The following ST3GAL4 variants were observed in gnomAD, a reference collection of about 807,000 sequenced individuals.
ST3GAL4 encodes CMP-N-acetylneuraminate-beta-galactosamide-alpha-2,3-sialyltransferase 4.
ST3GAL4 carries 24 observed loss-of-function variants against 42.6 expected under a neutral mutation model. The observed-to-expected ratio is 0.56, with a 90% CI of 0.41 to 0.79. The LOEUF (loss-of-function observed/expected upper bound fraction) is 0.79. ST3GAL4 is among the 30% of genes least tolerant of loss of function. The pLI is 0.00. For synonymous variants in ST3GAL4, 135 were observed against 163.2 expected, an observed-to-expected ratio of 0.83 and a Z score of 1.32; for missense variants, 311 against 430.8, an observed-to-expected ratio of 0.72 and a Z score of 2.46.
In ST3GAL4 at chr11:126,409,515, G is replaced by C; in HGVS notation, c.771+104G>C. 3 of 1,503,504 alleles carry C rather than the reference G, an allele frequency of 2.0e-6. No individual in the cohort carries two copies. The highest frequency in any genetic ancestry group is 2.4e-5 in the South Asian group (2 of 83,160). The allele number at this position is 1,503,504 out of a possible 1,614,324, so 93.1% of individuals were successfully genotyped here. A position where few individuals can be genotyped will look rare whatever the true frequency, so the allele number is the denominator to read the frequency against. ...CCTGGAAGGATCCCATAACAGAGGC[G>C]GCGGTTTGCATTTTCCCTCCAGGAA... On this transcript the variant is annotated intron_variant, in intron 9 of 10. Transcript: ENST00000444328. The surrounding 1 kb of genome is among the most constrained non-coding windows in gnomAD (Gnocchi z 4.9).
At chr11:126,365,495 A>G (rs144287824) in intron 1 of ST3GAL4, among the ~76,000 whole-genome samples, 162 of 152,170 alleles carry the variant, frequency 1.1e-3, no homozygotes, top group African/African-American at 3.8e-3. Context: ...GGGATATTCC[A>G]TGGGACCCTG....
chr11:126,364,133 G>T (rs4055110), intron 1 of ST3GAL4, among the ~76,000 whole-genome samples: 1 of 152,244 alleles, frequency 6.6e-6, no homozygotes, highest in Non-Finnish European at 1.5e-5. Context: ...AAGGCAGAGG[G>T]AATGGGGAAC....
Position 126,396,848 on chromosome 11 carries a change from A to G in ST3GAL4, c.-60-9248A>G, listed in dbSNP as rs1369721482. Among the ~76,000 whole-genome samples the G allele has an allele frequency of 6.6e-6, 1 of 151,908 alleles. No individual in the cohort carries two copies. Among genetic ancestry groups the G allele is most frequent in the Non-Finnish European group, 1.5e-5 (1 of 68,006 alleles). ...GTTCCCTGGCTCTACAATGGAGGTA[A>G]TTATCGTGTTGAACTCACAGGGTCG... On this transcript the variant is annotated intron_variant, in intron 1 of 10. Transcript: ENST00000444328. This position sits in a 1 kb window ranked among gnomAD's most constrained non-coding sequence, Gnocchi z 5.8.
In ST3GAL4 at chr11:126,384,512, C is replaced by G. The variant is rs576474889; in HGVS notation, c.-60-21584C>G. The stretch of plus-strand genomic sequence containing the variant: ...GGAAGTGGACTCTGCTCAGGTGTGG[C>G]GGGCCTGCCTGTGGGGTCACCATGG... On this transcript the variant is annotated intron_variant, in intron 1 of 10. Coordinates refer to ENST00000444328, the MANE Select transcript of ST3GAL4 (RefSeq NM_001254757.2). The surrounding 1 kb of genome is among the most constrained non-coding windows in gnomAD (Gnocchi z 5.5). 4.6e-5 allele frequency among the ~76,000 whole-genome samples: 7 copies of G among 152,050 alleles called. No individual in the cohort carries two copies. In the East Asian group the frequency reaches 7.7e-4, roughly 17 times the overall value.
rs377143000 is a variant in ST3GAL4, at chr11:126,413,685, G to T, written c.915+37G>T. The T allele has an allele frequency of 2.4e-5, 39 of 1,610,058 alleles. No homozygotes were observed. The African/African-American group carries it at 4.9e-4, about 20-fold the overall frequency. On this transcript the variant is annotated intron_variant, in intron 10 of 10. Transcript: ENST00000444328. ...GCTTGTGAGCATGGTGGGCCAGGGC[G>T]TGGACGGGCAGACAGTCAGAGGGGC...
At chr11:126,361,055 A>G (rs565314326) in intron 1 of ST3GAL4, among the ~76,000 whole-genome samples, 47 of 152,118 alleles carry the variant, frequency 3.1e-4, no homozygotes, top group South Asian at 1.2e-3. Context: ...GCCCCATTCC[A>G]CCCACCACAG....
intron 1 of ST3GAL4, among the ~76,000 whole-genome samples, chr11:126,395,145 CT>C (rs369654029): frequency 1.3e-3 from 198 of 152,310 alleles, no homozygotes; most frequent in African/African-American, 4.6e-3. Context: ...CCTACTGTCA[CT>C]GCCTCTTCCA....
rs1394127016 is a variant in ST3GAL4 at position 126,406,217 on chromosome 11, GA to G, written c.16+48del. On this transcript the variant is annotated intron_variant, in intron 2 of 10. Coordinates refer to ENST00000444328, the MANE Select transcript of ST3GAL4 (RefSeq NM_001254757.2). This position sits in a 1 kb window ranked among gnomAD's most constrained non-coding sequence, Gnocchi z 5.4. ...CCCCCACCCTGGAGGACAGGCCTCA[GA>G]AGCCGTCTTCAGCAGGATCCTGGGA... The G allele has an allele frequency of 6.4e-7, 1 of 1,554,314 alleles. No homozygotes were observed. Among genetic ancestry groups the G allele is most frequent in the East Asian group, 2.4e-5 (1 of 41,122 alleles).
chr11:126,393,142 C>G lies in ST3GAL4; in HGVS notation c.-60-12954C>G, dbSNP rs1400729667. 1 of 152,014 alleles carries G rather than the reference C, an allele frequency of 6.6e-6. No individual in the cohort carries two copies. Among genetic ancestry groups the G allele is most frequent in the African/African-American group, 2.4e-5 (1 of 41,360 alleles). The allele number at this position is 152,014 out of a possible 1,614,324, so 9.4% of individuals were successfully genotyped here. A position where few individuals can be genotyped will look rare whatever the true frequency, so the allele number is the denominator to read the frequency against. ...TATTTTTATAGAGACGGGGCAGAGT[C>G]TGCAGTCACATGCCTTGCAAGTAGC... On this transcript the variant is annotated intron_variant, in intron 1 of 10. Transcript: ENST00000444328. The surrounding 1 kb of genome is among the most constrained non-coding windows in gnomAD (Gnocchi z 5.9).
chr11:126,407,931 G>A (rs1826028007), intron 6 of ST3GAL4, among the ~76,000 whole-genome samples, 168 bp from the exon 7 acceptor site: 1 of 152,146 alleles, frequency 6.6e-6, no homozygotes, highest in African/African-American at 2.4e-5. Flanking sequence ...GCCCAGGGCT[G>A]TAAAGTCAGC....
rs11220457 is a variant in ST3GAL4, at chr11:126,363,884, G to C, written c.-61+8042G>C. ...ATACACTCCCCACCCTCCCAGGCCC[G>C]GCACCGTGTCGCCCTGCCCCAGCCC... On this transcript the variant is annotated intron_variant, in intron 1 of 10. Coordinates refer to ENST00000444328, the MANE Select transcript of ST3GAL4 (RefSeq NM_001254757.2). The surrounding 1 kb of genome is among the most constrained non-coding windows in gnomAD (Gnocchi z 4.6). 2.0e-5 allele frequency among the ~76,000 whole-genome samples: 3 copies of C among 152,184 alleles called. No individual in the cohort carries two copies. The highest frequency in any genetic ancestry group is 4.4e-5 in the Non-Finnish European group (3 of 68,036).
At chr11:126,390,618 C>CTTTTTTTTTTTTTTTTTTTT (rs58153137) in intron 1 of ST3GAL4, among the ~76,000 whole-genome samples, 52 of 126,654 alleles carry the variant, frequency 4.1e-4, no homozygotes, top group East Asian at 2.0e-3. Flanking sequence ...GTGTTCTTTG[C>CTTTTTTTTTTTTTTTTTTTT]TTTTTTTTTT....
chr11:126,407,548 G>C, intron 5 of ST3GAL4, 26 bp from the exon 6 acceptor site: 1 of 1,614,030 alleles, frequency 6.2e-7, no homozygotes, highest in East Asian at 2.2e-5. Context: ...TGTCACATCA[G>C]TCCCTCCGCC....
chr11:126,389,427 A>T (rs994351076), intron 1 of ST3GAL4, among the ~76,000 whole-genome samples: 1 of 152,226 alleles, frequency 6.6e-6, no homozygotes, highest in African/African-American at 2.4e-5. Flanking sequence ...CCAGAATATA[A>T]TTATCACTTA....
At chr11:126,357,917 C>G (rs1952122455) in intron 1 of ST3GAL4, among the ~76,000 whole-genome samples, 2 of 152,248 alleles carry the variant, frequency 1.3e-5, no homozygotes, top group Admixed American at 1.3e-4. Context: ...AGGGATCCCT[C>G]TATCTTGGAC....
rs564556535 is a variant in ST3GAL4, at chr11:126,410,439, G to A, written c.771+1028G>A. On this transcript the variant is annotated intron_variant, in intron 9 of 10. Transcript: ENST00000444328. This position sits in a 1 kb window ranked among gnomAD's most constrained non-coding sequence, Gnocchi z 5.3. ...GGCGCTTGGCTGTGCTGTGTACTGT[G>A]TGGGGCTTGGCAGGTCAACTGCTCA... Among the ~76,000 whole-genome samples, 5 of 152,298 alleles carry A rather than the reference G, an allele frequency of 3.3e-5. No individual in the cohort carries two copies. Among genetic ancestry groups the A allele is most frequent in the Admixed American group, 3.3e-4 (5 of 15,292 alleles).
At chr11:126,369,404 C>T (rs1357921072) in intron 1 of ST3GAL4, among the ~76,000 whole-genome samples, 17 of 152,056 alleles carry the variant, frequency 1.1e-4, no homozygotes, top group African/African-American at 2.9e-4. Flanking sequence ...TGTGCCACCA[C>T]GCCCTGCTAA....
chr11:126,370,520 G>A (rs1952601601), intron 1 of ST3GAL4, among the ~76,000 whole-genome samples: 1 of 152,070 alleles, frequency 6.6e-6, no homozygotes, highest in African/African-American at 2.4e-5. Flanking sequence ...TAACTGATAA[G>A]TTAATATATG....
Position 126,406,248 on chromosome 11 carries a change from T to TG in ST3GAL4, c.16+82dup. 1 of 1,550,360 alleles carries TG rather than the reference T, an allele frequency of 6.5e-7. No individual in the cohort carries two copies. Among genetic ancestry groups the TG allele is most frequent in the Non-Finnish European group, 8.7e-7 (1 of 1,147,186 alleles). ...GTCTTCAGCAGGATCCTGGGACCTC[T>TG]GGGGGCTGTGGAGGGACAGACAGGG... is the stretch of plus-strand genomic sequence containing the variant. On this transcript the variant is annotated intron_variant, in intron 2 of 10. Transcript: ENST00000444328. This position sits in a 1 kb window ranked among gnomAD's most constrained non-coding sequence, Gnocchi z 5.4.
Sources: allele counts gnomAD v4.1 joint callset (sites outside exome capture counted in the v4.1 genomes callset), GRCh38; gene constraint gnomAD v4.1.1; non-coding constraint Gnocchi (gnomAD v3.1); transcripts MANE v1.5; gene names NCBI Gene and HGNC (gene_info 2026-07-23, HGNC 2026-07-21).